Variants in EVA1C observed in about 807,000 individuals in gnomAD.
EVA1C encodes eva-1 homolog C, also known as protein eva-1 homolog C.
A neutral mutation model predicts 45.4 loss-of-function variants in EVA1C; 25 were observed. The observed-to-expected ratio is 0.55, with a 90% CI of 0.40 to 0.77. The LOEUF is 0.77. EVA1C is among the 30% of genes least tolerant of loss of function. The pLI is 0.00. For missense variants in EVA1C, 479 were observed against 554.8 expected (o/e 0.86, Z 1.37); for synonymous variants, 190 against 221.2 (o/e 0.86, Z 1.25).
intron 1 of EVA1C, among the ~76,000 whole-genome samples, chr21:32,447,956 C>A (rs770665998): frequency 3.3e-5 from 5 of 152,178 alleles, no homozygotes; most frequent in Non-Finnish European, 5.9e-5. Context: ...CCGCCTGCCT[C>A]GGCCTCCCAA....
Position 32,412,755 on chromosome 21 carries a change from C to T in EVA1C, c.-99C>T, listed in dbSNP as rs890094979. ...GGGAGGCGGCGGGGGGCCGCGGAGC[C>T]GCTGGCCATCGATTCTCCCCGCCAT... On this transcript the variant is annotated 5_prime_UTR_variant, in exon 1 of 8. Coordinates refer to ENST00000300255, the MANE Select transcript of EVA1C (RefSeq NM_058187.5). The T allele has an allele frequency of 8.3e-7, 1 of 1,206,702 alleles. No individual in the cohort carries two copies. The highest frequency in any genetic ancestry group is 2.3e-5 in the South Asian group (1 of 44,124). 74.7% of individuals were successfully genotyped at this position (1,206,702 alleles called of 1,614,324 possible).
At chr21:32,484,842 G>A (rs900800763) in intron 4 of EVA1C, among the ~76,000 whole-genome samples, 2 of 152,184 alleles carry the variant, frequency 1.3e-5, no homozygotes, top group Non-Finnish European at 2.9e-5. Context: ...CACGCCACTG[G>A]AGGAAGTTCC....
At chr21:32,424,641 A>C (rs1301947078) in intron 1 of EVA1C, among the ~76,000 whole-genome samples, 3 of 152,214 alleles carry the variant, frequency 2.0e-5, no homozygotes, top group Non-Finnish European at 2.9e-5. Flanking sequence ...CACCCTGGAC[A>C]CAAAGACTCA....
intron 1 of EVA1C, among the ~76,000 whole-genome samples, chr21:32,424,778 G>T (rs543378532): frequency 6.6e-6 from 1 of 152,114 alleles, no homozygotes; most frequent in Non-Finnish European, 1.5e-5. Flanking sequence ...AAGTGCAAAG[G>T]TCCCTCTCAT....
chr21:32,479,955 C>T (rs2036717716), intron 4 of EVA1C, among the ~76,000 whole-genome samples: 1 of 151,780 alleles, frequency 6.6e-6, no homozygotes, highest in East Asian at 1.9e-4. Flanking sequence ...ATTTTTGCAG[C>T]TGCATGCCTT....
At chr21:32,502,287 C>G (rs59590075) in intron 6 of EVA1C, among the ~76,000 whole-genome samples, 1 of 151,702 alleles carries the variant, frequency 6.6e-6, no homozygotes, top group African/African-American at 2.4e-5. Flanking sequence ...TTAGTAGAGA[C>G]GGGGTTTCAC....
rs368043450 is a variant in EVA1C at position 32,467,645 on chromosome 21, A to T, written c.482-51A>T. The T allele has an allele frequency of 4.5e-6, 7 of 1,559,066 alleles. No homozygotes were observed. In the East Asian group the frequency reaches 1.6e-4, roughly 36 times the overall value. On this transcript the variant is annotated intron_variant, in intron 3 of 7. Transcript: ENST00000300255. Reference sequence around the variant, plus strand: ...AATGGGACTTGGACAGAGCTCACCAATTCCTTCTGGGGGAAGCTGATGGTG... The same window carrying T: ...AATGGGACTTGGACAGAGCTCACCATTTCCTTCTGGGGGAAGCTGATGGTG...
chr21:32,459,485 T>C (rs2035917192), intron 3 of EVA1C, among the ~76,000 whole-genome samples: 1 of 152,238 alleles, frequency 6.6e-6, no homozygotes, highest in African/African-American at 2.4e-5. Context: ...CCATTAGCTT[T>C]GCCTTCCTTT....
At chr21:32,505,471 T>G (rs190543995) in intron 7 of EVA1C, among the ~76,000 whole-genome samples, 1 of 152,186 alleles carries the variant, frequency 6.6e-6, no homozygotes, top group African/African-American at 2.4e-5. Flanking sequence ...GAATAACGAT[T>G]GAAGGGGAAC....
At chr21:32,430,247 C>T (rs2833820) in intron 1 of EVA1C, among the ~76,000 whole-genome samples, 39,741 of 151,928 alleles carry the variant, frequency 0.26, 5,851 homozygotes, top group South Asian at 0.36. Flanking sequence ...TGGAAGAAGA[C>T]TGGTGCCCTC....
intron 7 of EVA1C, among the ~76,000 whole-genome samples, chr21:32,506,311 G>T (rs776356658): frequency 2.7e-5 from 4 of 149,228 alleles, no homozygotes; most frequent in Non-Finnish European, 5.9e-5. Flanking sequence ...ACTGAATGAT[G>T]ACTGCTGATA....
chr21:32,481,404 T>G (rs1008668715), intron 4 of EVA1C, among the ~76,000 whole-genome samples: 2 of 149,132 alleles, frequency 1.3e-5, no homozygotes, highest in Non-Finnish European at 3.0e-5. Flanking sequence ...ACAGAACCTT[T>G]TTTTTTTTTT....
At chr21:32,477,655 C>T (rs1032698857) in intron 4 of EVA1C, among the ~76,000 whole-genome samples, 61 of 151,750 alleles carry the variant, frequency 4.0e-4, no homozygotes, top group Middle Eastern at 3.4e-3. Flanking sequence ...GCTGGCTTCC[C>T]CCAGAGAAAG....
intron 5 of EVA1C, among the ~76,000 whole-genome samples, chr21:32,500,069 G>C (rs1478063370): frequency 6.6e-6 from 1 of 152,122 alleles, no homozygotes; most frequent in Non-Finnish European, 1.5e-5. Context: ...CAGAGGCAAA[G>C]AGCTTGGGGT....
At chr21:32,479,078 G>C (rs2036684134) in intron 4 of EVA1C, among the ~76,000 whole-genome samples, 1 of 152,238 alleles carries the variant, frequency 6.6e-6, no homozygotes. Flanking sequence ...GTAAATGGTT[G>C]AATATCTTGT....
At chr21:32,435,131 C>T (rs1398672344) in intron 1 of EVA1C, among the ~76,000 whole-genome samples, 1 of 152,188 alleles carries the variant, frequency 6.6e-6, no homozygotes, top group African/African-American at 2.4e-5. Context: ...CCTTTGCTCT[C>T]CCCTTTCCTC....
intron 7 of EVA1C, among the ~76,000 whole-genome samples, chr21:32,507,749 T>C (rs1279039174): frequency 9.0e-6 from 1 of 111,184 alleles, no homozygotes; most frequent in East Asian, 3.9e-4. Flanking sequence ...TGCATGTGCA[T>C]ATGTGTTTGC....
rs146299638 is a variant in EVA1C, at chr21:32,495,060, C to A, written c.668C>A (p.Ser223Tyr). The change falls in exon 5 of 8, where the codon TCC becomes TAC. Residue 223 changes from serine to tyrosine, a missense_variant. Coordinates refer to ENST00000300255, the MANE Select transcript of EVA1C (RefSeq NM_058187.5). ...TCTTACTCAGCTTTGCAAGTCCTAT[C>A]CCGAAGGTGCTATGGGAAGCAGAGA... Reference protein sequence around the residue: ...CLSYSALQVLSRRCYGKQRCK... With the variant: ...CLSYSALQVLYRRCYGKQRCK... The A allele has an allele frequency of 2.5e-6, 4 of 1,613,964 alleles. No homozygotes were observed. The highest frequency in any genetic ancestry group is 2.7e-5 in the African/African-American group (2 of 74,894).
intron 4 of EVA1C, among the ~76,000 whole-genome samples, chr21:32,473,021 A>C (rs1237156927): frequency 6.6e-6 from 1 of 152,242 alleles, no homozygotes; most frequent in Non-Finnish European, 1.5e-5. Flanking sequence ...CTCAAAGACA[A>C]AAATCAAAGG....
Sources: gnomAD v4.1 joint callset for allele counts (sites outside exome capture counted in the v4.1 genomes callset) on GRCh38, gnomAD v4.1.1 for gene constraint, MANE v1.5 for transcripts, NCBI Gene and HGNC (gene_info 2026-07-23, HGNC 2026-07-21) for gene names.